The following HDAC9 variants were observed in gnomAD, a reference collection of about 807,000 sequenced individuals.
The protein encoded by HDAC9 is histone deacetylase 9.
Under a neutral mutation model 139.4 loss-of-function variants are expected in HDAC9, and 41 were observed. That is an observed-to-expected ratio of 0.29 (90% CI 0.23 to 0.38). The LOEUF is 0.38. Ranked by LOEUF, HDAC9 falls within the 10% of genes least tolerant of loss-of-function variation. HDAC9 has a pLI of 1.00. For missense variants in HDAC9, 1,147 were observed against 1,297.0 expected (o/e 0.88, Z 1.78); for synonymous variants, 517 against 476.2 (o/e 1.09, Z -1.12).
chr7:18,828,214 A>C (rs1320548696), intron 17 of HDAC9, among the ~76,000 whole-genome samples: 1 of 152,202 alleles, frequency 6.6e-6, no homozygotes, highest in East Asian at 1.9e-4. Flanking sequence ...TCTTTGGGGT[A>C]GGTTGAAATT....
intron 1 of HDAC9, among the ~76,000 whole-genome samples, chr7:18,309,196 C>T (rs1585107904): frequency 6.6e-6 from 1 of 152,076 alleles, no homozygotes; most frequent in Admixed American, 6.6e-5. Flanking sequence ...AATGTTCAGC[C>T]CAAGGTACAC....
chr7:18,467,696 T>C (rs1243264082), intron 1 of HDAC9, among the ~76,000 whole-genome samples: 3 of 152,240 alleles, frequency 2.0e-5, no homozygotes, highest in Non-Finnish European at 4.4e-5. Flanking sequence ...GTGTTGTTAA[T>C]ATCTCATATC....
chr7:18,768,522 C>T (rs1260541866), intron 16 of HDAC9, among the ~76,000 whole-genome samples: 2 of 152,168 alleles, frequency 1.3e-5, no homozygotes, highest in South Asian at 2.1e-4. Context: ...TCCTGTGGAG[C>T]TGGGAGCTTG....
chr7:18,559,030 A>T (rs1397253166), intron 2 of HDAC9, among the ~76,000 whole-genome samples: 4 of 152,148 alleles, frequency 2.6e-5, no homozygotes, highest in African/African-American at 9.7e-5. Context: ...TTTTGGACTG[A>T]TGATTAAAGC....
At chr7:18,900,601 C>T (rs374754845) in intron 22 of HDAC9, among the ~76,000 whole-genome samples, 46 of 152,212 alleles carry the variant, frequency 3.0e-4, no homozygotes, top group Middle Eastern at 6.8e-3. Flanking sequence ...AGTCATAGTC[C>T]GGACAAGATC....
intron 1 of HDAC9, among the ~76,000 whole-genome samples, chr7:18,138,861 A>G (rs898910130): frequency 2.6e-5 from 4 of 152,120 alleles, no homozygotes; most frequent in Non-Finnish European, 5.9e-5. Flanking sequence ...AGAGTACTGG[A>G]TTCTCTTTAT....
chr7:18,732,951 GTA>G (rs1236574476), intron 13 of HDAC9, among the ~76,000 whole-genome samples: 4 of 102,750 alleles, frequency 3.9e-5, no homozygotes, highest in East Asian at 5.0e-4. Context: ...ATACACACGT[GTA>G]TGTGTGTGTA....
chr7:18,743,394 G>T (rs765886339), intron 13 of HDAC9, among the ~76,000 whole-genome samples: 1 of 152,074 alleles, frequency 6.6e-6, no homozygotes, highest in Non-Finnish European at 1.5e-5. Context: ...TTTAGAAAAT[G>T]CTTCTTATCT....
At chr7:18,735,064 A>G (rs146993559) in intron 13 of HDAC9, among the ~76,000 whole-genome samples, 5,029 of 152,110 alleles carry the variant, frequency 0.033, 277 homozygotes, top group African/African-American at 0.12. Flanking sequence ...CATATCCTTC[A>G]CCCACTTTTT....
chr7:18,596,116 T>G (rs1014233430), intron 6 of HDAC9, among the ~76,000 whole-genome samples: 1 of 152,104 alleles, frequency 6.6e-6, no homozygotes, highest in Admixed American at 6.6e-5. Flanking sequence ...TGATCAGTAT[T>G]TCATGTTTCT....
At chr7:18,929,272 T>G (rs1407852244) in intron 22 of HDAC9, among the ~76,000 whole-genome samples, 1 of 152,160 alleles carries the variant, frequency 6.6e-6, no homozygotes, top group African/African-American at 2.4e-5. Flanking sequence ...AAATTGAAAT[T>G]GATAATTTGA....
chr7:18,121,268 G>C (rs1415668193), intron 1 of HDAC9, among the ~76,000 whole-genome samples: 3 of 152,176 alleles, frequency 2.0e-5, no homozygotes, highest in African/African-American at 7.2e-5. Context: ...TTTGAATAGA[G>C]TATTTTGGGA....
chr7:18,863,483 A>G (rs1448970883), intron 21 of HDAC9, among the ~76,000 whole-genome samples: 1 of 152,172 alleles, frequency 6.6e-6, no homozygotes, highest in Non-Finnish European at 1.5e-5. Context: ...TGTTAGTGTC[A>G]GTGTATTTTA....
intron 2 of HDAC9, among the ~76,000 whole-genome samples, chr7:18,281,439 C>G (rs118072896): frequency 0.013 from 1,942 of 152,290 alleles, 23 homozygotes; most frequent in Middle Eastern, 0.024. Flanking sequence ...AACTTCTAGT[C>G]TTCAAATGAT....
At chr7:18,129,808 A>G (rs1784892832) in intron 1 of HDAC9, among the ~76,000 whole-genome samples, 1 of 152,178 alleles carries the variant, frequency 6.6e-6, no homozygotes, top group South Asian at 2.1e-4. Flanking sequence ...AATGGAGGAG[A>G]AGGCAATAAA....
intron 1 of HDAC9, among the ~76,000 whole-genome samples, chr7:18,100,625 C>T (rs1782787364): frequency 6.6e-6 from 1 of 152,150 alleles, no homozygotes; most frequent in Admixed American, 6.6e-5. Context: ...TCACAATTTT[C>T]CATGTCCCTA....
intron 1 of HDAC9, among the ~76,000 whole-genome samples, chr7:18,443,263 CATTA>C (rs2128094964): frequency 6.6e-6 from 1 of 152,042 alleles, no homozygotes; most frequent in South Asian, 2.1e-4. Flanking sequence ...TATATTTTAT[CATTA>C]ATTTTGTGTA....
intron 2 of HDAC9, among the ~76,000 whole-genome samples, chr7:18,500,442 A>C (rs1170907870): frequency 2.6e-5 from 4 of 152,158 alleles, no homozygotes; most frequent in Admixed American, 2.6e-4. Context: ...CATACCTCAG[A>C]GGCTAACAGC....
intron 1 of HDAC9, among the ~76,000 whole-genome samples, chr7:18,434,221 T>C (rs751457979): frequency 1.3e-5 from 2 of 152,176 alleles, no homozygotes; most frequent in Non-Finnish European, 2.9e-5. Flanking sequence ...ATGCAGAAGA[T>C]TGAAACTCGA....
Sources: gnomAD v4.1 joint callset for allele counts (sites outside exome capture counted in the v4.1 genomes callset) on GRCh38, gnomAD v4.1.1 for gene constraint, MANE v1.5 for transcripts, NCBI Gene and HGNC (gene_info 2026-07-23, HGNC 2026-07-21) for gene names.